The following KLHL1 variants were observed in gnomAD, a reference collection of about 807,000 sequenced individuals.
KLHL1 encodes the protein kelch like family member 1.
A neutral mutation model predicts 77.7 loss-of-function variants in KLHL1; 47 were observed. The ratio of observed to expected loss-of-function variants is 0.60; its 90% confidence interval spans 0.48 to 0.77. KLHL1 has a LOEUF of 0.77. Ranked by LOEUF, KLHL1 falls within the 30% of genes least tolerant of loss-of-function variation. KLHL1 has a pLI of 0.00. For missense variants in KLHL1, 925 were observed against 910.8 expected (o/e 1.02, Z -0.20); for synonymous variants, 360 against 325.2 (o/e 1.11, Z -1.15).
At chr13:70,021,022 T>A (rs1211455028) in intron 1 of KLHL1, among the ~76,000 whole-genome samples, 1 of 152,086 alleles carries the variant, frequency 6.6e-6, no homozygotes, top group Non-Finnish European at 1.5e-5. Flanking sequence ...TGAAACTATG[T>A]TGATACCTTA....
intron 5 of KLHL1, among the ~76,000 whole-genome samples, chr13:69,841,254 T>C (rs56390487): frequency 0.044 from 6,742 of 151,916 alleles, 203 homozygotes; most frequent in African/African-American, 0.076. Context: ...GGCCTCCAAA[T>C]TGGTAAAGAA....
Position 69,894,585 on chromosome 13 carries a change from C to T in KLHL1, c.1015-12090G>A, listed in dbSNP as rs117754758. 3.5e-3 allele frequency: 549 copies of T among 155,332 alleles called. 1 individual carries two copies. Among genetic ancestry groups the T allele is most frequent in the Non-Finnish European group, 6.0e-3 (420 of 69,454 alleles). 9.6% of individuals were successfully genotyped at this position (155,332 alleles called of 1,614,324 possible). A position where few individuals can be genotyped will look rare whatever the true frequency, so the allele number is the denominator to read the frequency against. ...ATATTTTCAGCAACTTGAAACAATT[C>T]CCATATGAAATTGGGCCCATCACCT... On this transcript the variant is annotated intron_variant, in intron 4 of 10. Transcript: ENST00000377844.
intron 1 of KLHL1, among the ~76,000 whole-genome samples, chr13:70,021,234 T>G (rs1215261924): frequency 6.6e-6 from 1 of 152,108 alleles, no homozygotes; most frequent in Non-Finnish European, 1.5e-5. Flanking sequence ...TCCATAGTTT[T>G]GCCTTTTCCA....
intron 6 of KLHL1, among the ~76,000 whole-genome samples, chr13:69,797,263 T>C (rs570948035): frequency 1.3e-5 from 2 of 152,330 alleles, no homozygotes; most frequent in African/African-American, 4.8e-5. Flanking sequence ...CAGTGGATTT[T>C]ACAAATTCCC....
chr13:69,874,650 T>C (rs538646215), intron 5 of KLHL1, among the ~76,000 whole-genome samples: 1 of 152,224 alleles, frequency 6.6e-6, no homozygotes, highest in East Asian at 1.9e-4. Flanking sequence ...AATGTTTAAT[T>C]GAGAAAAATA....
intron 6 of KLHL1, among the ~76,000 whole-genome samples, chr13:69,815,417 G>T (rs1477294599): frequency 6.6e-6 from 1 of 152,182 alleles, no homozygotes; most frequent in African/African-American, 2.4e-5. Flanking sequence ...CATTGATGCA[G>T]CTGTAGGCCA....
At chr13:70,017,280 C>G (rs1172823066) in intron 1 of KLHL1, among the ~76,000 whole-genome samples, 1 of 152,208 alleles carries the variant, frequency 6.6e-6, no homozygotes, top group Non-Finnish European at 1.5e-5. Flanking sequence ...AATATAGGGG[C>G]TCCCTGAGCC....
At chr13:69,798,392 C>T (rs1186965761) in intron 6 of KLHL1, among the ~76,000 whole-genome samples, 1 of 152,042 alleles carries the variant, frequency 6.6e-6, no homozygotes, top group East Asian at 1.9e-4. Context: ...AAAAACGATA[C>T]AATTTATGCT....
chr13:69,768,390 T>C (rs988239195), intron 7 of KLHL1, among the ~76,000 whole-genome samples: 1 of 152,168 alleles, frequency 6.6e-6, no homozygotes, highest in Non-Finnish European at 1.5e-5. Flanking sequence ...ATTCAATTAA[T>C]GCATGTCCAC....
At chr13:70,042,714 C>T (rs562596777) in intron 1 of KLHL1, among the ~76,000 whole-genome samples, 8 of 152,172 alleles carry the variant, frequency 5.3e-5, no homozygotes, top group South Asian at 2.1e-4. Flanking sequence ...TCTTTGAGCA[C>T]GGACTCCTAT....
At chr13:69,854,725 C>T (rs1879821448) in intron 5 of KLHL1, among the ~76,000 whole-genome samples, 4 of 151,914 alleles carry the variant, frequency 2.6e-5, no homozygotes, top group Admixed American at 2.6e-4. Flanking sequence ...CAATTTTGCT[C>T]CAGTTTCTAG....
intron 1 of KLHL1, among the ~76,000 whole-genome samples, chr13:70,038,849 C>T (rs768723103): frequency 2.0e-5 from 3 of 151,950 alleles, no homozygotes; most frequent in African/African-American, 7.2e-5. Flanking sequence ...CCTTGGCCTC[C>T]CATAGTGCTG....
At chr13:70,047,399 T>TTGTG (rs140790054) in intron 1 of KLHL1, among the ~76,000 whole-genome samples, 2,910 of 149,862 alleles carry the variant, frequency 0.019, 95 homozygotes, top group African/African-American at 0.067. Context: ...GGAAATCTGT[T>TTGTG]TGTGTGTGTG....
chr13:69,770,858 G>A (rs1875529406), intron 7 of KLHL1, among the ~76,000 whole-genome samples: 1 of 152,132 alleles, frequency 6.6e-6, no homozygotes, highest in African/African-American at 2.4e-5. Flanking sequence ...AAACAATTCT[G>A]CCTCAGCCTC....
chr13:69,814,286 A>G (rs1240382705), intron 6 of KLHL1, among the ~76,000 whole-genome samples: 1 of 152,116 alleles, frequency 6.6e-6, no homozygotes, highest in East Asian at 1.9e-4. Context: ...TCAAACCATA[A>G]AAATCATAGA....
intron 7 of KLHL1, among the ~76,000 whole-genome samples, chr13:69,769,083 C>T (rs1875443252): frequency 6.6e-6 from 1 of 152,136 alleles, no homozygotes. Context: ...CTACAATTAT[C>T]TGTACTATAA....
chr13:69,942,408 G>A (rs1056134212), intron 3 of KLHL1, among the ~76,000 whole-genome samples: 2 of 152,044 alleles, frequency 1.3e-5, no homozygotes, highest in South Asian at 4.2e-4. Flanking sequence ...GCCAGTTTGT[G>A]TATATTTTTT....
At chr13:69,889,421 C>T (rs1038390522) in intron 4 of KLHL1, among the ~76,000 whole-genome samples, 10 of 152,002 alleles carry the variant, frequency 6.6e-5, no homozygotes, top group Non-Finnish European at 1.3e-4. Flanking sequence ...CAAGATAAGG[C>T]TAGGATTAGA....
At chr13:70,053,761 C>T (rs941483011) in intron 1 of KLHL1, among the ~76,000 whole-genome samples, 1 of 152,088 alleles carries the variant, frequency 6.6e-6, no homozygotes, top group Non-Finnish European at 1.5e-5. Context: ...AATGACCAGA[C>T]TAATTGCCTA....
Sources: allele counts gnomAD v4.1 joint callset (sites outside exome capture counted in the v4.1 genomes callset), GRCh38; gene constraint gnomAD v4.1.1; transcripts MANE v1.5; gene names NCBI Gene and HGNC (gene_info 2026-07-23, HGNC 2026-07-21).